The following TMEM43 variants were observed in gnomAD, a reference collection of about 807,000 sequenced individuals.
TMEM43 encodes the protein arrhythmogenic right ventricular dysplasia 5.
Under a neutral mutation model 49.6 loss-of-function variants are expected in TMEM43, and 45 were observed. The ratio of observed to expected loss-of-function variants is 0.91; its 90% CI spans 0.71 to 1.16. The LOEUF is 1.16. Among genes scored for constraint, TMEM43 ranks in the 50% most tolerant of loss-of-function variants. The pLI, the probability that TMEM43 is intolerant of heterozygous loss-of-function variation, is 0.00. For missense variants in TMEM43, 532 were observed against 516.6 expected (o/e 1.03, Z -0.29); for synonymous variants, 199 against 207.8 (o/e 0.96, Z 0.36).
At position 14,133,593 on chromosome 3, in the gene TMEM43, G is replaced by T. The variant is rs546620952; in HGVS notation, c.513-146G>T. ...AGGGGGCACAGGGCCCCTGGGGGTG[G>T]ACAGGACAAGATGTCTGCTGCGCCT... On this transcript the variant is annotated intron_variant, in intron 6 of 11. Transcript: ENST00000306077. 1.5e-5 allele frequency: 12 copies of T among 788,900 alleles called. No individual in the cohort carries two copies. In the African/African-American group the frequency reaches 1.7e-4, roughly 11 times the overall value. The allele number at this position is 788,900 out of a possible 1,614,324, so 48.9% of individuals were successfully genotyped here. A position where few individuals can be genotyped will look rare whatever the true frequency, so the allele number is the denominator to read the frequency against.
At position 14,125,069 on chromosome 3, in the gene TMEM43, G is replaced by A; in HGVS notation, c.-125G>A. 5.5e-6 allele frequency: 7 copies of A among 1,273,852 alleles called. No homozygotes were observed. The South Asian group carries it at 8.8e-5, about 16-fold the overall frequency. 78.9% of individuals were successfully genotyped at this position (1,273,852 alleles called of 1,614,324 possible). On this transcript the variant is annotated 5_prime_UTR_variant, in exon 1 of 12. Transcript: ENST00000306077. The stretch of plus-strand genomic sequence containing the variant: ...AGGTAACTGCAGTAAGTCCCGCTTG[G>A]CCCTGGAGTCCACGCGGATTTTCGA...
At chr3:14,132,452 G>GT in intron 4 of TMEM43, 94 bp from the exon 5 acceptor site, 1 of 1,337,746 alleles carries the variant, frequency 7.5e-7, no homozygotes, top group Non-Finnish European at 1.1e-6. Flanking sequence ...GTCTGATCTG[G>GT]TAGCCCTGAG....
chr3:14,141,082 A>G (rs1017946986), intron 11 of TMEM43, among the ~76,000 whole-genome samples: 1 of 152,220 alleles, frequency 6.6e-6, no homozygotes, highest in African/African-American at 2.4e-5. Context: ...AGGAGAGGCC[A>G]ATGCTTAGGC....
At position 14,143,489 on chromosome 3, in the gene TMEM43, C is replaced by G. The variant is rs1466183268; in HGVS notation, c.*1694C>G. ...TGCTTTCGGAAAACACGCTGTATAC[C>G]TAGATGATGACTAAATGCAAAATCC... On this transcript the variant is annotated 3_prime_UTR_variant, in exon 12 of 12. Coordinates refer to ENST00000306077, the MANE Select transcript of TMEM43 (RefSeq NM_024334.3). 1.3e-5 allele frequency: 2 copies of G among 152,208 alleles called. No individual in the cohort carries two copies. Among genetic ancestry groups the G allele is most frequent in the African/African-American group, 4.8e-5 (2 of 41,448 alleles). The allele number at this position is 152,208 out of a possible 1,614,324, so 9.4% of individuals were successfully genotyped here.
chr3:14,130,984 C>G, intron 3 of TMEM43, 28 bp downstream of exon 3: 1 of 1,599,818 alleles, frequency 6.3e-7, no homozygotes, highest in Non-Finnish European at 8.5e-7. Flanking sequence ...TGCTGACCTG[C>G]CAGTGGCTCG....
rs1695115417 is a variant in TMEM43, at chr3:14,132,847, G to A, written c.443-19G>A. ...GCCACTCCTACCCGGGCTCTGAGTT[G>A]ATTCCTCTCCCTGAGCAGACACTGA... On this transcript the variant is annotated intron_variant, in intron 5 of 11. Transcript: ENST00000306077. 6.2e-7 allele frequency: 1 copy of A among 1,613,244 alleles called. No individual in the cohort carries two copies. The highest frequency in any genetic ancestry group is 8.5e-7 in the Non-Finnish European group (1 of 1,179,414).
chr3:14,132,979 G>A (rs1283571945), intron 6 of TMEM43, 44 bp downstream of exon 6: 8 of 1,470,218 alleles, frequency 5.4e-6, no homozygotes, highest in Non-Finnish European at 5.7e-6. Flanking sequence ...TGTCTACACT[G>A]GCAGGTCTCC....
intron 1 of TMEM43, 65 bp downstream of exon 1, chr3:14,125,270 G>C: frequency 1.3e-6 from 2 of 1,553,276 alleles, no homozygotes; most frequent in Admixed American, 1.9e-5. Flanking sequence ...CTTTTCCCCG[G>C]GGTCCTCTAG....
chr3:14,130,416 G>A (rs981014394), intron 2 of TMEM43, among the ~76,000 whole-genome samples: 3 of 152,074 alleles, frequency 2.0e-5, no homozygotes, highest in Non-Finnish European at 4.4e-5. Context: ...AGGCAGGATC[G>A]CTTGAGGTCA....
At chr3:14,132,826 C>T (rs756472571) in intron 5 of TMEM43, 40 bp from the exon 6 acceptor site, 1 of 1,602,658 alleles carries the variant, frequency 6.2e-7, no homozygotes, top group Non-Finnish European at 8.5e-7. Flanking sequence ...CCGCGTGCCA[C>T]TCCTACCCGG....
rs1574938748 is a variant in TMEM43 at position 14,133,813 on chromosome 3, A to G, written c.583+4A>G. The G allele has an allele frequency of 6.2e-7, 1 of 1,614,040 alleles. No individual in the cohort carries two copies. The highest frequency in any genetic ancestry group is 8.5e-7 in the Non-Finnish European group (1 of 1,179,886). On this transcript the variant is annotated splice_donor_region_variant and intron_variant, in intron 7 of 11. Transcript: ENST00000306077. ...GGCAGGTTTTTCCTCTCGTCAGGTA[A>G]GTCTCAGGCCTCTCCAGAGGAGCTC...
In TMEM43 at chr3:14,141,746, T is replaced by A. The variant is rs1372267361; in HGVS notation, c.1154T>A (p.Val385Glu). The A allele has an allele frequency of 1.2e-6, 2 of 1,614,032 alleles. No individual in the cohort carries two copies. The highest frequency in any genetic ancestry group is 1.7e-6 in the Non-Finnish European group (2 of 1,180,034). ...WALLIAGLAL[V>E]PILVARTRVP... ...CTCCTCATTGCCGGCCTGGCCCTTGTGCCCATCCTTGTTGCTCGGACACGG... is the reference window on the plus strand; with the variant it reads ...CTCCTCATTGCCGGCCTGGCCCTTGAGCCCATCCTTGTTGCTCGGACACGG... Residue 385 changes from valine (V) to glutamate (E), a missense_variant, in exon 12 of 12, where the codon GTG becomes GAG. Transcript: ENST00000306077.
chr3:14,142,123 G>A lies in TMEM43; in HGVS notation c.*328G>A, dbSNP rs956153715. 24 of 398,252 alleles carry A rather than the reference G, an allele frequency of 6.0e-5. No homozygotes were observed. Among genetic ancestry groups the A allele is most frequent in the South Asian group, 4.5e-4 (18 of 40,402 alleles). 24.7% of individuals were successfully genotyped at this position (398,252 alleles called of 1,614,324 possible). A position where few individuals can be genotyped will look rare whatever the true frequency, so the allele number is the denominator to read the frequency against. On this transcript the variant is annotated 3_prime_UTR_variant, in exon 12 of 12. Transcript: ENST00000306077. ...ACTCAGCCCATTGGCAGCTGACAACGCAGACACGCTCTACGGAGGCCTGCT... is the reference window on the plus strand; with the variant it reads ...ACTCAGCCCATTGGCAGCTGACAACACAGACACGCTCTACGGAGGCCTGCT...
intron 6 of TMEM43, 122 bp downstream of exon 6, chr3:14,133,057 C>T: frequency 1.1e-6 from 1 of 885,104 alleles, no homozygotes; most frequent in Non-Finnish European, 1.8e-6. Flanking sequence ...AAATGTGGGA[C>T]ATGGGTTTGA....
intron 9 of TMEM43, 78 bp downstream of exon 9, chr3:14,135,310 A>C (rs1234246492): frequency 4.8e-6 from 6 of 1,256,696 alleles, no homozygotes; most frequent in Non-Finnish European, 5.7e-6. Context: ...GGTCAATGTC[A>C]GGAGCGCTTG....
chr3:14,125,503 C>T (rs900356035), intron 1 of TMEM43, among the ~76,000 whole-genome samples: 1 of 152,228 alleles, frequency 6.6e-6, no homozygotes, highest in Non-Finnish European at 1.5e-5. Context: ...CTCCGCGGCC[C>T]CTCCTTGCAT....
intron 5 of TMEM43, 124 bp from the exon 6 acceptor site, chr3:14,132,742 C>T: frequency 7.3e-7 from 1 of 1,367,182 alleles, no homozygotes; most frequent in Non-Finnish European, 1.0e-6. Flanking sequence ...CCCTGCTTTC[C>T]CACCCATCCA....
Position 14,135,158 on chromosome 3 carries a change from G to A in TMEM43, c.706G>A (p.Val236Met). The change falls in exon 9 of 12, where the codon GTG becomes ATG. Residue 236 changes from valine (V) to methionine (M), a missense_variant and splice_region_variant. Transcript: ENST00000306077. ...YHSENPKYPE[V>M]GDLRVSFSYA... ...CTCCCTGCTTCTCTTCCACCCCCAG[G>A]TGGGAGACTTGCGTGTCTCCTTTTC... 3.1e-6 allele frequency: 5 copies of A among 1,611,946 alleles called. No individual in the cohort carries two copies. The highest frequency in any genetic ancestry group is 4.2e-6 in the Non-Finnish European group (5 of 1,179,812).
chr3:14,137,068 G>GGGGTTAGCTGTGACCTT (rs146863396), intron 10 of TMEM43: 9,299 of 149,674 alleles, frequency 0.062, 593 homozygotes, highest in Non-Finnish European at 0.091. Context: ...ACAGGCATCA[G>GGGGTTAGCTGTGACCTT]GGGTTAGCTG....
Sources: gnomAD v4.1 joint callset for allele counts (sites outside exome capture counted in the v4.1 genomes callset) on GRCh38, gnomAD v4.1.1 for gene constraint, MANE v1.5 for transcripts, NCBI Gene and HGNC (gene_info 2026-07-23, HGNC 2026-07-21) for gene names.